Variants in EPHA4 observed in about 807,000 individuals in gnomAD.
EPHA4 encodes ephrin type-A receptor 4.
A neutral mutation model predicts 108.3 loss-of-function variants in EPHA4; 19 were observed. The ratio of observed to expected loss-of-function variants is 0.18; its 90% CI spans 0.12 to 0.26. EPHA4 has a LOEUF of 0.26. EPHA4 is among the 10% of genes least tolerant of loss of function. EPHA4 has a pLI of 1.00. For synonymous variants in EPHA4, 449 were observed against 455.5 expected (o/e 0.99, Z 0.18); for missense variants, 917 against 1,254.0 (o/e 0.73, Z 4.06).
At chr2:221,558,428 G>T (rs13427478) in intron 3 of EPHA4, among the ~76,000 whole-genome samples, 1 of 151,878 alleles carries the variant, frequency 6.6e-6, no homozygotes. Flanking sequence ...CCAATTACCC[G>T]TTCCCCCACC....
At chr2:221,499,543 C>T (rs928715631) in intron 4 of EPHA4, among the ~76,000 whole-genome samples, 1 of 149,582 alleles carries the variant, frequency 6.7e-6, no homozygotes, top group African/African-American at 2.4e-5. Flanking sequence ...TCAGAGAGAC[C>T]TGGAGACTCA....
chr2:221,546,708 C>A (rs936508697), intron 3 of EPHA4, among the ~76,000 whole-genome samples: 2 of 152,104 alleles, frequency 1.3e-5, no homozygotes, highest in South Asian at 2.1e-4. Flanking sequence ...TTCTATCTTG[C>A]CATAAGGCTG....
At chr2:221,533,404 G>T (rs1036534231) in intron 3 of EPHA4, among the ~76,000 whole-genome samples, 1 of 151,992 alleles carries the variant, frequency 6.6e-6, no homozygotes, top group Non-Finnish European at 1.5e-5. Context: ...CCCTGCCCCC[G>T]TATGTATCAA....
intron 3 of EPHA4, among the ~76,000 whole-genome samples, chr2:221,543,495 TA>T (rs1280079927): frequency 6.6e-6 from 1 of 152,204 alleles, no homozygotes; most frequent in East Asian, 1.9e-4. Context: ...TCCGCATTTT[TA>T]TACATACAAA....
At chr2:221,446,644 A>G (rs1264834343) in intron 8 of EPHA4, among the ~76,000 whole-genome samples, 1 of 152,126 alleles carries the variant, frequency 6.6e-6, no homozygotes, top group Non-Finnish European at 1.5e-5. Flanking sequence ...GTGATAGGTA[A>G]TAGTAAATAT....
intron 3 of EPHA4, among the ~76,000 whole-genome samples, chr2:221,548,355 T>C (rs1243308909): frequency 6.0e-5 from 9 of 149,414 alleles, no homozygotes; most frequent in Admixed American, 6.0e-4. Flanking sequence ...AGAGCGAGAG[T>C]CCGTCTCAAA....
intron 4 of EPHA4, among the ~76,000 whole-genome samples, chr2:221,492,689 C>G (rs1269856835): frequency 1.3e-5 from 2 of 152,244 alleles, no homozygotes; most frequent in Non-Finnish European, 2.9e-5. Context: ...CAGCAGCATA[C>G]GTTGACGGCT....
intron 5 of EPHA4, among the ~76,000 whole-genome samples, chr2:221,458,380 C>G (rs73994260): frequency 0.017 from 2,656 of 152,290 alleles, 73 homozygotes; most frequent in African/African-American, 0.059. Context: ...CTAATCCTAC[C>G]TCCCAGTATT....
intron 3 of EPHA4, among the ~76,000 whole-genome samples, chr2:221,521,638 A>G (rs1693168465): frequency 6.6e-6 from 1 of 152,290 alleles, no homozygotes; most frequent in Non-Finnish European, 1.5e-5. Flanking sequence ...TGTAAATACC[A>G]TATGTCAGAG....
At chr2:221,512,753 G>C (rs1436764126) in intron 3 of EPHA4, among the ~76,000 whole-genome samples, 1 of 152,040 alleles carries the variant, frequency 6.6e-6, no homozygotes, top group African/African-American at 2.4e-5. Flanking sequence ...TCATTCATTG[G>C]GCCATTTATG....
intron 4 of EPHA4, among the ~76,000 whole-genome samples, chr2:221,498,356 C>A (rs1282826261): frequency 1.3e-5 from 2 of 152,212 alleles, no homozygotes; most frequent in African/African-American, 4.8e-5. Flanking sequence ...GCCTCAAACA[C>A]TTCCCCTTGA....
At chr2:221,433,646 A>T (rs2106096056) in intron 14 of EPHA4, among the ~76,000 whole-genome samples, 1 of 152,328 alleles carries the variant, frequency 6.6e-6, no homozygotes, top group Admixed American at 6.5e-5. Context: ...GTACATTTAA[A>T]GGGATGTGCA....
intron 5 of EPHA4, among the ~76,000 whole-genome samples, chr2:221,468,167 C>G (rs1296004502): frequency 1.3e-5 from 2 of 151,526 alleles, no homozygotes; most frequent in Admixed American, 1.3e-4. Context: ...GGATGGTGAA[C>G]CTTCACCAAA....
intron 3 of EPHA4, among the ~76,000 whole-genome samples, chr2:221,511,277 G>A (rs1054267770): frequency 6.6e-6 from 1 of 152,160 alleles, no homozygotes; most frequent in East Asian, 1.9e-4. Flanking sequence ...GTCCTTGTGG[G>A]AGAACTGTAA....
intron 3 of EPHA4, 117 bp from the exon 4 acceptor site, chr2:221,501,289 G>T: frequency 1.1e-6 from 1 of 895,920 alleles, no homozygotes; most frequent in Non-Finnish European, 1.6e-6. Flanking sequence ...AATCATTAGC[G>T]ATCATGTGGC....
rs376319035 is a variant in EPHA4 at position 221,572,250 on chromosome 2, G to T, written c.-2C>A. The T allele has an allele frequency of 6.2e-6, 10 of 1,613,516 alleles. No individual in the cohort carries two copies. The highest frequency in any genetic ancestry group is 1.1e-5 in the South Asian group (1 of 91,084). The stretch of plus-strand genomic sequence containing the variant: ...GGCGAAATAGAAAATCCCAGCCATG[G>T]TTCGCCGGTGCCAACGCTGCTCCTG... On this transcript the variant is annotated 5_prime_UTR_variant, in exon 1 of 18. Transcript: ENST00000281821.
At chr2:221,433,901 T>A (rs1269001993) in intron 14 of EPHA4, among the ~76,000 whole-genome samples, 1 of 152,246 alleles carries the variant, frequency 6.6e-6, no homozygotes, top group Non-Finnish European at 1.5e-5. Context: ...ATATTTTTTA[T>A]CCATGAATCT....
At chr2:221,523,192 G>A (rs1217266085) in intron 3 of EPHA4, among the ~76,000 whole-genome samples, 3 of 152,112 alleles carry the variant, frequency 2.0e-5, no homozygotes, top group African/African-American at 7.2e-5. Flanking sequence ...GTAGTTACTG[G>A]GGCTCTCTAT....
chr2:221,530,333 G>T (rs1237794056), intron 3 of EPHA4, among the ~76,000 whole-genome samples: 3 of 152,240 alleles, frequency 2.0e-5, no homozygotes, highest in African/African-American at 7.2e-5. Flanking sequence ...CACAGAACAG[G>T]AAGAGAAAGG....
Sources: gnomAD v4.1 joint callset for allele counts (sites outside exome capture counted in the v4.1 genomes callset) on GRCh38, gnomAD v4.1.1 for gene constraint, MANE v1.5 for transcripts, NCBI Gene and HGNC (gene_info 2026-07-23, HGNC 2026-07-21) for gene names.